Variants in RBFOX1 observed in about 807,000 individuals in gnomAD.
The protein encoded by RBFOX1 is RNA binding protein fox-1 homolog 1.
In RBFOX1, 8 loss-of-function variants were observed where a neutral mutation model predicts 57.7. That is an observed-to-expected ratio of 0.14 (90% CI 0.08 to 0.25). The LOEUF (loss-of-function observed/expected upper bound fraction) is 0.25, where lower values mean the gene tolerates loss of function less well. Among genes scored for constraint, RBFOX1 ranks in the 10% least tolerant of loss-of-function variants. The pLI is 1.00. For missense variants in RBFOX1, 611 were observed against 548.5 expected, an observed-to-expected ratio of 1.11 and a Z score of -1.14; for synonymous variants, 326 against 222.4, an observed-to-expected ratio of 1.47 and a Z score of -4.15.
At chr16:7,172,981 G>C (rs886614562) in intron 4 of RBFOX1, among the ~76,000 whole-genome samples, 1 of 152,094 alleles carries the variant, frequency 6.6e-6, no homozygotes, top group South Asian at 2.1e-4. Context: ...TCGTGTAAAA[G>C]AATTGCAAAA....
At chr16:7,290,987 T>G (rs967355428) in intron 4 of RBFOX1, among the ~76,000 whole-genome samples, 1 of 152,242 alleles carries the variant, frequency 6.6e-6, no homozygotes, top group Admixed American at 6.5e-5. Context: ...CATTTCATTC[T>G]GTGATTATTT....
intron 4 of RBFOX1, among the ~76,000 whole-genome samples, chr16:7,340,191 G>C (rs1365819644): frequency 6.6e-6 from 1 of 152,208 alleles, no homozygotes; most frequent in Non-Finnish European, 1.5e-5. Context: ...ACCAAAATGT[G>C]TTGGTGGATA....
At chr16:6,306,304 A>G (rs1454059189) in intron 1 of RBFOX1, among the ~76,000 whole-genome samples, 1 of 152,144 alleles carries the variant, frequency 6.6e-6, no homozygotes, top group East Asian at 1.9e-4. Flanking sequence ...TGAATCATGG[A>G]TGGAAACCAC....
At chr16:6,151,211 T>A (rs1360946735) in intron 1 of RBFOX1, among the ~76,000 whole-genome samples, 4 of 152,224 alleles carry the variant, frequency 2.6e-5, no homozygotes, top group African/African-American at 9.6e-5. Flanking sequence ...TTCTCCCAAG[T>A]TTGTGGCCAG....
intron 11 of RBFOX1, among the ~76,000 whole-genome samples, chr16:7,648,062 A>G (rs9302853): frequency 0.16 from 24,479 of 152,142 alleles, 2,095 homozygotes; most frequent in Non-Finnish European, 0.19. Flanking sequence ...TAATAAAAGC[A>G]TCCATTCTTC....
At chr16:6,756,778 C>G (rs542557454) in intron 3 of RBFOX1, among the ~76,000 whole-genome samples, 1 of 152,180 alleles carries the variant, frequency 6.6e-6, no homozygotes, top group South Asian at 2.1e-4. Context: ...TCGAGACCAG[C>G]CTGGCCAACA....
intron 3 of RBFOX1, among the ~76,000 whole-genome samples, chr16:6,801,618 A>C (rs777501084): frequency 6.6e-6 from 1 of 152,034 alleles, no homozygotes; most frequent in Non-Finnish European, 1.5e-5. Flanking sequence ...TCATGTGTCC[A>C]TCAGGAGACA....
At chr16:6,207,177 C>G (rs891785715) in intron 1 of RBFOX1, among the ~76,000 whole-genome samples, 1 of 152,204 alleles carries the variant, frequency 6.6e-6, no homozygotes, top group Non-Finnish European at 1.5e-5. Context: ...CTGCTGGACT[C>G]TTTCGTTTCC....
intron 4 of RBFOX1, among the ~76,000 whole-genome samples, chr16:7,139,639 C>T (rs1045625151): frequency 1.3e-5 from 2 of 151,938 alleles, no homozygotes; most frequent in East Asian, 3.9e-4. Context: ...AGTCCACCCT[C>T]GACAGTTTCA....
chr16:5,550,576 G>C (rs1331324749), intron 2 of RBFOX1, among the ~76,000 whole-genome samples: 1 of 152,124 alleles, frequency 6.6e-6, no homozygotes, highest in African/African-American at 2.4e-5. Flanking sequence ...AAAAAATGTA[G>C]TCATTGACAT....
intron 3 of RBFOX1, among the ~76,000 whole-genome samples, chr16:5,645,884 G>C (rs894936953): frequency 6.6e-6 from 1 of 152,268 alleles, no homozygotes; most frequent in East Asian, 1.9e-4. Context: ...TGTTATGCTG[G>C]AATGCAATGG....
At chr16:6,551,013 TG>T (rs2096979926) in intron 2 of RBFOX1, among the ~76,000 whole-genome samples, 1 of 152,166 alleles carries the variant, frequency 6.6e-6, no homozygotes, top group African/African-American at 2.4e-5. Flanking sequence ...AACAGTGAGC[TG>T]ACTGCAGAGG....
At chr16:5,526,634 A>T (rs2044257295) in intron 2 of RBFOX1, among the ~76,000 whole-genome samples, 1 of 152,110 alleles carries the variant, frequency 6.6e-6, no homozygotes, top group Non-Finnish European at 1.5e-5. Context: ...AATTTTCCCA[A>T]GGACACACAA....
intron 1 of RBFOX1, among the ~76,000 whole-genome samples, chr16:5,302,485 T>C (rs1256149519): frequency 2.6e-5 from 4 of 152,184 alleles, no homozygotes; most frequent in African/African-American, 9.7e-5. Flanking sequence ...ATTTAATATA[T>C]GCCTACTAAT....
At chr16:7,642,462 C>T (rs990321212) in intron 11 of RBFOX1, among the ~76,000 whole-genome samples, 3 of 152,138 alleles carry the variant, frequency 2.0e-5, no homozygotes, top group African/African-American at 7.2e-5. Flanking sequence ...CCGTCAGACC[C>T]CTCTGAAGGC....
chr16:6,876,198 C>G (rs1001165935), intron 3 of RBFOX1, among the ~76,000 whole-genome samples: 3 of 151,846 alleles, frequency 2.0e-5, no homozygotes, highest in African/African-American at 4.8e-5. Flanking sequence ...AAAAACAAAG[C>G]AAAGCAAAAC....
At chr16:6,809,885 T>C (rs1405859964) in intron 3 of RBFOX1, among the ~76,000 whole-genome samples, 1 of 152,108 alleles carries the variant, frequency 6.6e-6, no homozygotes, top group Non-Finnish European at 1.5e-5. Context: ...AGTTATGAAA[T>C]TGGAGAGAGT....
At chr16:6,382,040 C>G (rs1253697557) in intron 2 of RBFOX1, among the ~76,000 whole-genome samples, 1 of 152,222 alleles carries the variant, frequency 6.6e-6, no homozygotes, top group African/African-American at 2.4e-5. Context: ...TGCTATTCAA[C>G]TGCCTTTGTA....
upstream of RBFOX1, among the ~76,000 whole-genome samples, chr16:6,016,030 G>C (rs2094991491): frequency 1.3e-5 from 2 of 152,220 alleles, no homozygotes; most frequent in South Asian, 4.1e-4. Context: ...TCATTCCAAA[G>C]TGGTTAGCCC....
Sources: gnomAD v4.1 joint callset for allele counts (sites outside exome capture counted in the v4.1 genomes callset) on GRCh38, gnomAD v4.1.1 for gene constraint, MANE v1.5 for transcripts, NCBI Gene and HGNC (gene_info 2026-07-23, HGNC 2026-07-21) for gene names.